The following AKR1D1 variants were observed in gnomAD, a reference collection of about 807,000 sequenced individuals.
The protein encoded by AKR1D1 is delta(4)-3-ketosteroid 5-beta-reductase.
In AKR1D1, 32 loss-of-function variants were observed where a neutral mutation model predicts 42.6. The ratio of observed to expected loss-of-function variants is 0.75; its 90% CI spans 0.57 to 1.01. The LOEUF is 1.01. AKR1D1 is among the 50% of genes least tolerant of loss of function. The pLI, the probability that AKR1D1 is intolerant of heterozygous loss-of-function variation, is 0.00. For synonymous variants in AKR1D1, 123 were observed against 135.5 expected (o/e 0.91, Z 0.64); for missense variants, 364 against 402.2 (o/e 0.91, Z 0.81).
intron 2 of AKR1D1, among the ~76,000 whole-genome samples, chr7:138,089,549 C>T (rs1216152025): frequency 6.6e-6 from 1 of 151,870 alleles, no homozygotes; most frequent in African/African-American, 2.4e-5. Flanking sequence ...TTATAGGAGT[C>T]ATTTCTTACT....
At chr7:138,107,172 T>C in intron 6 of AKR1D1, 1 of 657,146 alleles carries the variant, frequency 1.5e-6, no homozygotes, top group Non-Finnish European at 2.8e-6. Flanking sequence ...ATAAGACTCA[T>C]CAAAAAATAT....
At chr7:138,102,986 T>C (rs893403638) in intron 4 of AKR1D1, among the ~76,000 whole-genome samples, 3 of 152,224 alleles carry the variant, frequency 2.0e-5, no homozygotes, top group Non-Finnish European at 4.4e-5. Flanking sequence ...GTGTTCATGA[T>C]CTTGATTGTA....
Position 138,091,782 on chromosome 7 carries a change from T to C in AKR1D1, c.276T>C (p.Asn92=), listed in dbSNP as rs559543573. The C allele has an allele frequency of 1.9e-5, 31 of 1,612,820 alleles. No individual in the cohort carries two copies. In the South Asian group the frequency reaches 3.3e-4, roughly 17 times the overall value. The part of the protein sequence containing the change: ...IFYCGKLWAT[N]HVPEMVRPTL... ...GATTCTTTCAGCTATGGGCTACAAA[T>C]CATGTCCCAGAGATGGTCCGCCCAA... Residue 92 remains asparagine (N), a synonymous_variant, in exon 3 of 9, where the codon AAT becomes AAC. Coordinates refer to ENST00000242375, the MANE Select transcript of AKR1D1 (RefSeq NM_005989.4).
intron 4 of AKR1D1, among the ~76,000 whole-genome samples, chr7:138,104,778 A>C (rs141518516): frequency 7.9e-4 from 120 of 151,890 alleles, no homozygotes; most frequent in African/African-American, 2.7e-3. Flanking sequence ...TTTTTAATTG[A>C]GATAGGGTCT....
In AKR1D1 at chr7:138,093,742, C is replaced by G. The variant is rs138890258; in HGVS notation, c.378+1858C>G. ...AGTAGAACAAATATATAAGTTGTATCCATAGTAAAAACAGAAATTGTTTAC... is the reference window on the plus strand; with the variant it reads ...AGTAGAACAAATATATAAGTTGTATGCATAGTAAAAACAGAAATTGTTTAC... On this transcript the variant is annotated intron_variant, in intron 3 of 8. Coordinates refer to ENST00000242375, the MANE Select transcript of AKR1D1 (RefSeq NM_005989.4). Among the ~76,000 whole-genome samples the G allele has an allele frequency of 5.1e-4, 78 of 152,214 alleles. 2 individuals carry two copies. The East Asian group carries it at 0.013, about 26-fold the overall frequency.
At chr7:138,110,275 A>T (rs1234914336) in intron 7 of AKR1D1, among the ~76,000 whole-genome samples, 1 of 149,412 alleles carries the variant, frequency 6.7e-6, no homozygotes, top group Non-Finnish European at 1.5e-5. Context: ...TGATGAAAAA[A>T]GAAAAGCAAA....
In AKR1D1 at chr7:138,107,437, T is replaced by C. The variant is rs746306605; in HGVS notation, c.712T>C (p.Leu238=). Reference sequence around the variant, plus strand: ...AAGGGTGAATGTTTCTTCTCCACCTTTGTTAAAGGATGCACTTCTAAACTC... The same window carrying C: ...AAGGGTGAATGTTTCTTCTCCACCTCTGTTAAAGGATGCACTTCTAAACTC... The part of the protein sequence containing the change: ...PIWVNVSSPP[L]LKDALLNSLG... Residue 238 remains leucine, a synonymous_variant, in exon 7 of 9, where the codon TTG becomes CTG. Transcript: ENST00000242375. 1.9e-6 allele frequency: 3 copies of C among 1,614,130 alleles called. No individual in the cohort carries two copies. In the South Asian group the frequency reaches 3.3e-5, roughly 18 times the overall value.
chr7:138,081,228 C>T (rs1803049273), intron 1 of AKR1D1, among the ~76,000 whole-genome samples: 1 of 152,160 alleles, frequency 6.6e-6, no homozygotes, highest in African/African-American at 2.4e-5. Context: ...TCCAAGATTT[C>T]AAGAGTTATG....
rs199524592 is a variant in AKR1D1 at position 138,118,024 on chromosome 7, C to CA, written c.*1372dup. ...AAAGAGCGAGACTCCGTCTCAAAAA[C>CA]AAAAAAAAAAGAAAAGAAATATATT... is the stretch of plus-strand genomic sequence containing the variant. On this transcript the variant is annotated 3_prime_UTR_variant, in exon 9 of 9. Transcript: ENST00000242375. 2,113 of 145,400 alleles carry CA rather than the reference C, an allele frequency of 0.015. 45 individuals carry two copies. Among genetic ancestry groups the CA allele is most frequent in the African/African-American group, 0.05 (1,968 of 39,728 alleles). 9.0% of individuals were successfully genotyped at this position (145,400 alleles called of 1,614,324 possible).
At chr7:138,100,434 AG>A (rs1159701317) in intron 4 of AKR1D1, among the ~76,000 whole-genome samples, 1 of 152,158 alleles carries the variant, frequency 6.6e-6, no homozygotes, top group African/African-American at 2.4e-5. Flanking sequence ...ACAGGTTAAA[AG>A]CAAAAGTCTT....
intron 1 of AKR1D1, among the ~76,000 whole-genome samples, chr7:138,084,659 C>T (rs1030985010): frequency 6.6e-6 from 1 of 152,078 alleles, no homozygotes; most frequent in African/African-American, 2.4e-5. Flanking sequence ...CCTATCATAT[C>T]ATTTATGTGG....
chr7:138,090,293 G>A (rs931945546), intron 2 of AKR1D1, among the ~76,000 whole-genome samples: 4 of 151,948 alleles, frequency 2.6e-5, no homozygotes, highest in African/African-American at 9.7e-5. Context: ...TCCAACAGAG[G>A]AAAAAATCAG....
intron 7 of AKR1D1, among the ~76,000 whole-genome samples, chr7:138,110,084 C>G (rs1162737778): frequency 6.6e-6 from 1 of 152,072 alleles, no homozygotes; most frequent in Non-Finnish European, 1.5e-5. Flanking sequence ...ACAGCCAATT[C>G]TCACTCTTTA....
intron 1 of AKR1D1, among the ~76,000 whole-genome samples, chr7:138,078,180 T>C (rs2117407383): frequency 6.6e-6 from 1 of 152,278 alleles, no homozygotes; most frequent in African/African-American, 2.4e-5. Context: ...CAGGTTGGTC[T>C]TGAACTCCTG....
chr7:138,082,575 T>C (rs1276547793), intron 1 of AKR1D1, among the ~76,000 whole-genome samples: 2 of 152,114 alleles, frequency 1.3e-5, no homozygotes, highest in Non-Finnish European at 2.9e-5. Context: ...TATTTTATTG[T>C]AAGACAGGGT....
At chr7:138,106,385 C>T (rs1214051109) in intron 5 of AKR1D1, among the ~76,000 whole-genome samples, 2 of 152,138 alleles carry the variant, frequency 1.3e-5, no homozygotes, top group Non-Finnish European at 2.9e-5. Context: ...AGTTACAAGA[C>T]ATTCATATTA....
chr7:138,097,801 T>G, intron 3 of AKR1D1, 65 bp from the exon 4 acceptor site: 1 of 1,265,788 alleles, frequency 7.9e-7, no homozygotes, highest in Non-Finnish European at 1.1e-6. Context: ...AAGTCTAAAT[T>G]CTATTATTTA....
intron 8 of AKR1D1, among the ~76,000 whole-genome samples, chr7:138,115,088 T>C (rs1458362946): frequency 6.6e-6 from 1 of 152,182 alleles, no homozygotes; most frequent in Non-Finnish European, 1.5e-5. Flanking sequence ...CTAACAGTTA[T>C]AGGTTAATTA....
At chr7:138,095,818 G>A (rs961507966) in intron 3 of AKR1D1, among the ~76,000 whole-genome samples, 3 of 151,300 alleles carry the variant, frequency 2.0e-5, no homozygotes, top group Non-Finnish European at 2.9e-5. Flanking sequence ...GAGCCACTGC[G>A]CCTGGCCAAA....
Sources: allele counts gnomAD v4.1 joint callset (sites outside exome capture counted in the v4.1 genomes callset), GRCh38; gene constraint gnomAD v4.1.1; transcripts MANE v1.5; gene names NCBI Gene and HGNC (gene_info 2026-07-23, HGNC 2026-07-21).